The following FMN2 variants were observed in gnomAD, a reference collection of about 807,000 sequenced individuals.
The protein encoded by FMN2 is formin 2.
A neutral mutation model predicts 142.3 loss-of-function variants in FMN2; 51 were observed. That is an observed-to-expected ratio of 0.36 (90% CI 0.29 to 0.45). The LOEUF (loss-of-function observed/expected upper bound fraction) is 0.45. Among genes scored for constraint, FMN2 ranks in the 20% least tolerant of loss-of-function variants. The pLI, the probability that FMN2 is intolerant of heterozygous loss-of-function variation, is 1.00. For synonymous variants in FMN2, 882 were observed against 869.8 expected (o/e 1.01, Z -0.25); for missense variants, 1,936 against 2,122.8 (o/e 0.91, Z 1.73).
At position 240,208,021 on chromosome 1, in the gene FMN2, C is replaced by G; in HGVS notation, c.3209C>G (p.Pro1070Arg). ...GAGIPPPPPLPGAGIPPPPPL... is the reference protein window; with the variant it reads ...GAGIPPPPPLRGAGIPPPPPL... The stretch of plus-strand genomic sequence containing the variant: ...GGCATACCTCCTCCACCCCCTCTAC[C>G]CGGAGCGGGCATACCCCCTCCGCCC... Residue 1070 changes from proline to arginine, a missense_variant, in exon 5 of 18, where the codon CCC becomes CGC. Around this residue, in one of 8 missense-constraint regions of FMN2, gnomAD observed 56 missense variants for 111.8 expected, o/e 0.50. Coordinates refer to ENST00000319653, the MANE Select transcript of FMN2 (RefSeq NM_020066.5). 2 of 447,186 alleles carry G rather than the reference C, an allele frequency of 4.5e-6. No individual in the cohort carries two copies. Among genetic ancestry groups the G allele is most frequent in the Non-Finnish European group, 7.7e-6 (2 of 260,706 alleles). The allele number at this position is 447,186 out of a possible 1,614,324, so 27.7% of individuals were successfully genotyped here.
At chr1:240,263,508 C>G (rs895390748) in intron 7 of FMN2, among the ~76,000 whole-genome samples, 9 of 152,194 alleles carry the variant, frequency 5.9e-5, no homozygotes, top group African/African-American at 2.2e-4. Flanking sequence ...CTAATCCACA[C>G]ATCCAGAATG....
intron 7 of FMN2, among the ~76,000 whole-genome samples, chr1:240,274,476 T>A (rs937817768): frequency 1.3e-5 from 2 of 152,088 alleles, no homozygotes; most frequent in Non-Finnish European, 2.9e-5. Context: ...GTGATTTGGA[T>A]AAACAATGGG....
At chr1:240,291,949 A>G (rs1296346188) in intron 7 of FMN2, among the ~76,000 whole-genome samples, 1 of 152,070 alleles carries the variant, frequency 6.6e-6, no homozygotes, top group East Asian at 1.9e-4. Context: ...GCCCCACAAA[A>G]ACCCCAAACC....
chr1:240,471,554 T>G (rs534533580), intron 16 of FMN2: 1 of 152,420 alleles, frequency 6.6e-6, no homozygotes, highest in African/African-American at 2.4e-5. Context: ...TTTTTTGTAT[T>G]TTTAGTAGAG....
chr1:240,101,043 ATG>A (rs1230654992), intron 1 of FMN2, among the ~76,000 whole-genome samples: 1 of 152,188 alleles, frequency 6.6e-6, no homozygotes, highest in Non-Finnish European at 1.5e-5. Context: ...AGGGGAAAGA[ATG>A]TGTTTCAGTA....
At chr1:240,179,924 G>T (rs910782974) in intron 3 of FMN2, among the ~76,000 whole-genome samples, 17 of 151,964 alleles carry the variant, frequency 1.1e-4, no homozygotes, top group African/African-American at 4.1e-4. Flanking sequence ...TAAATTTTAG[G>T]GAACTTTATA....
rs1440226790 is a variant in FMN2, at chr1:240,354,421, G to A, written c.4766-1395G>A. The stretch of plus-strand genomic sequence containing the variant: ...CCAATGAAGGGAGAATAAGGGAGGT[G>A]GCAGGTTTAGAGAAGTCTGTGAGGA... On this transcript the variant is annotated intron_variant, in intron 13 of 17. Coordinates refer to ENST00000319653, the MANE Select transcript of FMN2 (RefSeq NM_020066.5). Among the ~76,000 whole-genome samples the A allele has an allele frequency of 2.0e-5, 3 of 152,126 alleles. No homozygotes were observed. In the East Asian group the frequency reaches 5.8e-4, roughly 29 times the overall value.
intron 15 of FMN2, among the ~76,000 whole-genome samples, chr1:240,420,672 G>T (rs887205618): frequency 1.3e-5 from 2 of 152,154 alleles, no homozygotes; most frequent in African/African-American, 2.4e-5. Context: ...CGTCACAGCT[G>T]GTGTGGACAC....
chr1:240,320,395 A>T (rs182562961), intron 8 of FMN2, among the ~76,000 whole-genome samples: 24 of 152,362 alleles, frequency 1.6e-4, no homozygotes, highest in African/African-American at 5.8e-4. Flanking sequence ...GCCTGTTTCA[A>T]CAATGGCTCG....
At position 240,445,385 on chromosome 1, in the gene FMN2, G is replaced by A. The variant is rs537696493; in HGVS notation, c.5060+7175G>A. ...AGGGAGTCATCTTGCAGAATCCAAC[G>A]GGAGGAGGTTCATTTAGAGAGGTTG... On this transcript the variant is annotated intron_variant, in intron 16 of 17. Coordinates refer to ENST00000319653, the MANE Select transcript of FMN2 (RefSeq NM_020066.5). Among the ~76,000 whole-genome samples the A allele has an allele frequency of 3.1e-4, 47 of 152,272 alleles. 1 individual carries two copies. The highest frequency in any genetic ancestry group is 4.6e-4 in the Non-Finnish European group (31 of 68,022).
chr1:240,451,834 T>G (rs964271887), intron 16 of FMN2, among the ~76,000 whole-genome samples: 7 of 151,766 alleles, frequency 4.6e-5, no homozygotes, highest in African/African-American at 1.7e-4. Context: ...ATTTAGTATT[T>G]TGCTTTGTTA....
chr1:240,215,087 G>T (rs1192639192), intron 6 of FMN2, among the ~76,000 whole-genome samples: 2 of 151,994 alleles, frequency 1.3e-5, no homozygotes, highest in African/African-American at 4.8e-5. Flanking sequence ...AAATTCATCC[G>T]CACTCATTAG....
intron 13 of FMN2, among the ~76,000 whole-genome samples, chr1:240,343,141 C>A (rs983845661): frequency 2.6e-5 from 4 of 152,132 alleles, no homozygotes; most frequent in African/African-American, 7.2e-5. Context: ...GGGCTCATTG[C>A]AGTGGAATTC....
At chr1:240,196,270 A>G (rs74908768) in intron 4 of FMN2, among the ~76,000 whole-genome samples, 3,423 of 152,108 alleles carry the variant, frequency 0.023, 143 homozygotes, top group African/African-American at 0.078. Flanking sequence ...CAGCTATTAA[A>G]CTCTCAAAGT....
At chr1:240,361,807 C>T (rs1041630594) in intron 14 of FMN2, among the ~76,000 whole-genome samples, 4 of 152,046 alleles carry the variant, frequency 2.6e-5, no homozygotes, top group African/African-American at 9.7e-5. Context: ...GATGTGGTCA[C>T]CTAGGAGGTT....
intron 8 of FMN2, among the ~76,000 whole-genome samples, chr1:240,307,389 A>C (rs1450184165): frequency 1.3e-5 from 2 of 152,182 alleles, no homozygotes; most frequent in Non-Finnish European, 2.9e-5. Context: ...TCTTACTTTT[A>C]AGTTTTTAAT....
chr1:240,299,839 AG>A (rs1670133167), intron 8 of FMN2, among the ~76,000 whole-genome samples: 1 of 152,078 alleles, frequency 6.6e-6, no homozygotes, highest in African/African-American at 2.4e-5. Flanking sequence ...AACTAGTAGT[AG>A]TTTATTTTTT....
At chr1:240,280,383 T>G (rs1166491967) in intron 7 of FMN2, among the ~76,000 whole-genome samples, 1 of 152,166 alleles carries the variant, frequency 6.6e-6, no homozygotes, top group Non-Finnish European at 1.5e-5. Flanking sequence ...CTTATTGGTA[T>G]GAAAGTTATT....
chr1:240,398,257 G>A (rs1673854263), intron 15 of FMN2, among the ~76,000 whole-genome samples: 1 of 152,102 alleles, frequency 6.6e-6, no homozygotes, highest in Admixed American at 6.6e-5. Context: ...GCCCGCCTTG[G>A]CCTCCCAAAG....
Sources: allele counts gnomAD v4.1 joint callset (sites outside exome capture counted in the v4.1 genomes callset), GRCh38; gene constraint gnomAD v4.1.1; regional missense constraint gnomAD v4.1.1; transcripts MANE v1.5; gene names NCBI Gene and HGNC (gene_info 2026-07-23, HGNC 2026-07-21).